NRXN3: variants seen among roughly 807,000 people sequenced by gnomAD.
NRXN3 encodes neurexin III.
In NRXN3, 32 loss-of-function variants were observed where a neutral mutation model predicts 137.6. The ratio of observed to expected loss-of-function variants is 0.23; its 90% CI spans 0.18 to 0.31. The LOEUF is 0.31. Ranked by LOEUF, NRXN3 falls within the 10% of genes least tolerant of loss-of-function variation. The pLI is 1.00. For synonymous variants in NRXN3, 798 were observed against 784.5 expected (o/e 1.02, Z -0.29); for missense variants, 1,574 against 2,062.5 (o/e 0.76, Z 4.59).
intron 4 of NRXN3, among the ~76,000 whole-genome samples, chr14:78,381,937 G>A (rs2089204055): frequency 6.6e-6 from 1 of 152,142 alleles, no homozygotes; most frequent in South Asian, 2.1e-4. Flanking sequence ...CCTGGGGAGA[G>A]GGAAGAATGT....
At chr14:79,475,974 G>A (rs1267081050) in intron 16 of NRXN3, among the ~76,000 whole-genome samples, 4 of 152,232 alleles carry the variant, frequency 2.6e-5, no homozygotes, top group South Asian at 4.1e-4. Flanking sequence ...GTGCCATCAC[G>A]TGAATGCTGG....
intron 16 of NRXN3, among the ~76,000 whole-genome samples, chr14:79,484,388 C>G (rs1475217697): frequency 6.6e-6 from 1 of 152,094 alleles, no homozygotes; most frequent in African/African-American, 2.4e-5. Flanking sequence ...ACGTGCCCAG[C>G]TGGTATTCTT....
chr14:79,834,259 A>G (rs188244483), intron 20 of NRXN3, among the ~76,000 whole-genome samples: 2 of 149,600 alleles, frequency 1.3e-5, no homozygotes, highest in Non-Finnish European at 3.0e-5. Context: ...AGCAAACTCA[A>G]TTACAAATGC....
intron 10 of NRXN3, among the ~76,000 whole-genome samples, chr14:78,832,388 C>T (rs1169792341): frequency 6.6e-6 from 1 of 152,166 alleles, no homozygotes; most frequent in Non-Finnish European, 1.5e-5. Context: ...TCATGAGAAA[C>T]AGCTGTAATT....
chr14:79,753,333 A>ATGAT (rs2099005527), intron 19 of NRXN3, among the ~76,000 whole-genome samples: 1 of 152,000 alleles, frequency 6.6e-6, no homozygotes, highest in Admixed American at 6.6e-5. Context: ...ATGTCCAACA[A>ATGAT]TGATAGACAG....
chr14:79,530,965 T>C (rs2153718980), intron 16 of NRXN3, among the ~76,000 whole-genome samples: 1 of 152,270 alleles, frequency 6.6e-6, no homozygotes, highest in Non-Finnish European at 1.5e-5. Context: ...CATGAAGAAA[T>C]GTCTTCATTA....
intron 19 of NRXN3, among the ~76,000 whole-genome samples, chr14:79,761,560 G>T (rs1164290098): frequency 1.3e-5 from 2 of 151,048 alleles, no homozygotes; most frequent in African/African-American, 2.5e-5. Flanking sequence ...GGGCGTGGTG[G>T]CAGGCGCCTG....
intron 1 of NRXN3, among the ~76,000 whole-genome samples, chr14:78,178,692 T>C (rs1338544543): frequency 6.6e-6 from 1 of 152,140 alleles, no homozygotes; most frequent in Non-Finnish European, 1.5e-5. Flanking sequence ...TGCTCTGCTA[T>C]TTTTCACTTA....
At position 78,966,132 on chromosome 14, in the gene NRXN3, C is replaced by T; in HGVS notation, c.2503C>T (p.Leu835=). ...TGTCCCCTCCAGCTTTATTGGCCAT[C>T]TGCAGAGCCTCATGTTTAATGGCCT... ...SVVPSSFIGH[L]QSLMFNGLLY... is the part of the protein sequence containing the mutation. Residue 835 remains leucine (L), a synonymous_variant, in exon 12 of 21, where the codon CTG becomes TTG. Coordinates refer to ENST00000335750, the MANE Select transcript of NRXN3 (RefSeq NM_001330195.2). 6.2e-7 allele frequency: 1 copy of T among 1,614,168 alleles called. No homozygotes were observed. Among genetic ancestry groups the T allele is most frequent in the Non-Finnish European group, 8.5e-7 (1 of 1,180,026 alleles).
chr14:79,866,518 C>G lies in NRXN3; in HGVS notation c.*4554C>G, dbSNP rs1461527157. On this transcript the variant is annotated 3_prime_UTR_variant, in exon 21 of 21. Coordinates refer to ENST00000335750, the MANE Select transcript of NRXN3 (RefSeq NM_001330195.2). ...AGCAAACCCTTAAAGTGGGAGCAAG[C>G]AGGATCAAAACCATAATTTGGATTG... The G allele has an allele frequency of 1.3e-5, 2 of 151,992 alleles. No individual in the cohort carries two copies. Among genetic ancestry groups the G allele is most frequent in the African/African-American group, 4.8e-5 (2 of 41,368 alleles). 9.4% of individuals were successfully genotyped at this position (151,992 alleles called of 1,614,324 possible).
chr14:79,478,731 C>T (rs2096581510), intron 16 of NRXN3, among the ~76,000 whole-genome samples: 1 of 152,098 alleles, frequency 6.6e-6, no homozygotes, highest in Non-Finnish European at 1.5e-5. Context: ...ATACCTACCA[C>T]TCAGCACAGC....
chr14:79,396,236 C>T (rs1050481715), intron 15 of NRXN3, among the ~76,000 whole-genome samples: 5 of 151,338 alleles, frequency 3.3e-5, no homozygotes, highest in South Asian at 2.1e-4. Context: ...ACGGGGGTTG[C>T]GTAATTATAG....
At chr14:78,944,836 C>T (rs1353468366) in intron 10 of NRXN3, among the ~76,000 whole-genome samples, 2 of 152,136 alleles carry the variant, frequency 1.3e-5, no homozygotes, top group East Asian at 1.9e-4. Context: ...CACCTGCATC[C>T]GGAATATCAG....
intron 19 of NRXN3, among the ~76,000 whole-genome samples, chr14:79,752,936 A>G (rs2099003547): frequency 6.6e-6 from 1 of 152,272 alleles, no homozygotes; most frequent in Non-Finnish European, 1.5e-5. Context: ...TCTCAAAAGA[A>G]GACATTTATG....
intron 15 of NRXN3, among the ~76,000 whole-genome samples, chr14:79,283,057 A>G (rs2081548501): frequency 1.3e-5 from 2 of 152,324 alleles, no homozygotes; most frequent in South Asian, 4.1e-4. Context: ...TACTTGGTGT[A>G]CACTTGCTTT....
At chr14:78,250,230 C>T (rs912462538) in intron 2 of NRXN3, 9 of 355,778 alleles carry the variant, frequency 2.5e-5, no homozygotes, top group African/African-American at 4.4e-5. Context: ...TCTTGACTCT[C>T]AGTGAAACAG....
intron 15 of NRXN3, among the ~76,000 whole-genome samples, chr14:79,220,162 T>C (rs953129352): frequency 6.6e-6 from 1 of 152,218 alleles, no homozygotes; most frequent in Non-Finnish European, 1.5e-5. Flanking sequence ...TAAGATCTGC[T>C]TTTCTGTTTA....
chr14:78,792,920 T>G (rs758345148), intron 8 of NRXN3, among the ~76,000 whole-genome samples: 2 of 152,150 alleles, frequency 1.3e-5, no homozygotes, highest in African/African-American at 2.4e-5. Context: ...TACCATATAA[T>G]AACAATATAA....
At position 79,862,153 on chromosome 14, in the gene NRXN3, A is replaced by C; in HGVS notation, c.*189A>C. 1.8e-6 allele frequency: 1 copy of C among 564,280 alleles called. No individual in the cohort carries two copies. The highest frequency in any genetic ancestry group is 3.1e-5 in the East Asian group (1 of 32,748). 35.0% of individuals were successfully genotyped at this position (564,280 alleles called of 1,614,324 possible). A position where few individuals can be genotyped will look rare whatever the true frequency, so the allele number is the denominator to read the frequency against. ...ACACACAGCGATGCATCTCTCTCTAAAGCTCAGCCACGGCTGCGGCAAGGT... is the reference window on the plus strand; with the variant it reads ...ACACACAGCGATGCATCTCTCTCTACAGCTCAGCCACGGCTGCGGCAAGGT... On this transcript the variant is annotated 3_prime_UTR_variant, in exon 21 of 21. Transcript: ENST00000335750.
Sources: allele counts gnomAD v4.1 joint callset (sites outside exome capture counted in the v4.1 genomes callset), GRCh38; gene constraint gnomAD v4.1.1; transcripts MANE v1.5; gene names NCBI Gene and HGNC (gene_info 2026-07-23, HGNC 2026-07-21).